The following BMP6 variants were observed in gnomAD, a reference collection of about 807,000 sequenced individuals.
BMP6 encodes the protein VG-1-R.
BMP6 carries 17 observed loss-of-function variants against 54.1 expected under a neutral mutation model. The ratio of observed to expected loss-of-function variants is 0.31; its 90% CI spans 0.22 to 0.47. The LOEUF is 0.47. BMP6 is among the 20% of genes least tolerant of loss of function. The probability of loss-of-function intolerance (pLI) is 1.00; values close to 1 mark genes in which losing one functional copy is unlikely to be tolerated. For synonymous variants in BMP6, 328 were observed against 291.2 expected (o/e 1.13, Z -1.28); for missense variants, 720 against 690.4 (o/e 1.04, Z -0.48).
At chr6:7,776,065 A>C (rs769076737) in intron 1 of BMP6, among the ~76,000 whole-genome samples, 2 of 152,218 alleles carry the variant, frequency 1.3e-5, no homozygotes, top group Admixed American at 1.3e-4. Context: ...AAAACAACTA[A>C]AACACTAGAT....
At chr6:7,789,449 T>A (rs1433051959) in intron 1 of BMP6, among the ~76,000 whole-genome samples, 2 of 152,180 alleles carry the variant, frequency 1.3e-5, no homozygotes, top group Non-Finnish European at 2.9e-5. Context: ...AAAATAAAAT[T>A]GTATTTTATC....
intron 4 of BMP6, among the ~76,000 whole-genome samples, chr6:7,868,485 G>T (rs1042375584): frequency 1.3e-5 from 2 of 152,208 alleles, no homozygotes; most frequent in African/African-American, 4.8e-5. Context: ...GCTTGTTTTG[G>T]ATAAGATGGG....
chr6:7,738,690 A>AT (rs942150857), intron 1 of BMP6, among the ~76,000 whole-genome samples: 3 of 152,194 alleles, frequency 2.0e-5, no homozygotes, highest in Non-Finnish European at 4.4e-5. Context: ...TTCTTTTTAA[A>AT]TTTTTTGGTA....
intron 1 of BMP6, among the ~76,000 whole-genome samples, chr6:7,775,036 C>T (rs1366463918): frequency 1.3e-5 from 2 of 152,164 alleles, no homozygotes; most frequent in Non-Finnish European, 2.9e-5. Flanking sequence ...CCTGAGTTCA[C>T]TGACCTACTC....
intron 4 of BMP6, among the ~76,000 whole-genome samples, chr6:7,874,175 C>T (rs952716248): frequency 6.6e-6 from 1 of 152,168 alleles, no homozygotes; most frequent in African/African-American, 2.4e-5. Flanking sequence ...CCAGGCCTGG[C>T]AGCACCACAC....
At chr6:7,798,790 A>G (rs1758228624) in intron 1 of BMP6, among the ~76,000 whole-genome samples, 1 of 152,166 alleles carries the variant, frequency 6.6e-6, no homozygotes, top group African/African-American at 2.4e-5. Context: ...TTATAAAGTA[A>G]TTCCCTTAGA....
At chr6:7,828,348 G>A (rs748734619) in intron 1 of BMP6, among the ~76,000 whole-genome samples, 2 of 152,208 alleles carry the variant, frequency 1.3e-5, no homozygotes, top group Admixed American at 1.3e-4. Flanking sequence ...GAAAGGAATG[G>A]CCCTGTTCTG....
intron 4 of BMP6, among the ~76,000 whole-genome samples, chr6:7,870,565 G>A (rs1201408367): frequency 6.6e-6 from 1 of 152,152 alleles, no homozygotes; most frequent in African/African-American, 2.4e-5. Context: ...ATCATGGAGA[G>A]TCTTGCTGAA....
intron 1 of BMP6, among the ~76,000 whole-genome samples, chr6:7,747,155 G>C (rs924324719): frequency 2.6e-5 from 4 of 152,242 alleles, no homozygotes; most frequent in African/African-American, 9.6e-5. Flanking sequence ...AGATGATTTA[G>C]AGAAGTTTAG....
intron 1 of BMP6, among the ~76,000 whole-genome samples, chr6:7,741,257 A>G (rs554137883): frequency 6.6e-6 from 1 of 152,292 alleles, no homozygotes; most frequent in Non-Finnish European, 1.5e-5. Context: ...GACTTGTCCT[A>G]TGCAGAGAGG....
intron 1 of BMP6, among the ~76,000 whole-genome samples, chr6:7,765,245 C>T (rs1212103550): frequency 6.6e-6 from 1 of 152,088 alleles, no homozygotes; most frequent in Non-Finnish European, 1.5e-5. Flanking sequence ...TGGATTTATT[C>T]CCCCAAAAGT....
At position 7,870,942 on chromosome 6, in the gene BMP6, T is replaced by C. The variant is rs189497131; in HGVS notation, c.1205-8132T>C. 2.2e-3 allele frequency among the ~76,000 whole-genome samples: 337 copies of C among 152,348 alleles called. 1 individual carries two copies. The highest frequency in any genetic ancestry group is 3.5e-3 in the Non-Finnish European group (241 of 68,030). On this transcript the variant is annotated intron_variant, in intron 4 of 6. Coordinates refer to ENST00000283147, the MANE Select transcript of BMP6 (RefSeq NM_001718.6). ...CCGCGCCCGGCCTGTCTTGGATCTT[T>C]AGAGTTCATCTCCATCCCCGAAGGG...
intron 1 of BMP6, among the ~76,000 whole-genome samples, chr6:7,811,990 T>C (rs1758442679): frequency 6.6e-6 from 1 of 152,220 alleles, no homozygotes; most frequent in Non-Finnish European, 1.5e-5. Flanking sequence ...TGCTCATAGC[T>C]TTGTATCAAC....
chr6:7,861,571 G>T lies in BMP6; in HGVS notation c.978G>T (p.Gly326=), dbSNP rs1351690618. 8 of 1,614,152 alleles carry T rather than the reference G, an allele frequency of 5.0e-6. No individual in the cohort carries two copies. Among genetic ancestry groups the T allele is most frequent in the Non-Finnish European group, 6.8e-6 (8 of 1,180,018 alleles). ...LWVVTPQHNM[G]LQLSVVTRDG... is the part of the protein sequence containing the mutation. ...TTGTGACTCCACAGCATAACATGGG[G>T]CTTCAGCTGAGCGTGGTGACAAGGG... The change falls in exon 3 of 7, where the codon GGG becomes GGT. Residue 326 remains glycine, a synonymous_variant. Transcript: ENST00000283147.
At chr6:7,825,771 C>T (rs1251106771) in intron 1 of BMP6, among the ~76,000 whole-genome samples, 1 of 151,250 alleles carries the variant, frequency 6.6e-6, no homozygotes, top group African/African-American at 2.4e-5. Context: ...TTTTCAGAGA[C>T]ATAGTGTTTC....
At chr6:7,845,408 C>A in intron 2 of BMP6, 76 bp downstream of exon 2, 3 of 1,407,430 alleles carry the variant, frequency 2.1e-6, no homozygotes, top group Non-Finnish European at 2.9e-6. Flanking sequence ...ATAACCCCAG[C>A]TATGTCTGTG....
intron 1 of BMP6, among the ~76,000 whole-genome samples, chr6:7,739,749 A>C (rs1762014503): frequency 6.6e-6 from 1 of 152,028 alleles, no homozygotes; most frequent in Non-Finnish European, 1.5e-5. Flanking sequence ...TTGTGGTCTG[A>C]CTTCCATCCC....
intron 1 of BMP6, among the ~76,000 whole-genome samples, chr6:7,787,044 G>T (rs1399280414): frequency 6.6e-6 from 1 of 152,172 alleles, no homozygotes; most frequent in Non-Finnish European, 1.5e-5. Flanking sequence ...AGTGACGAGT[G>T]TAAGTTCAGC....
chr6:7,834,395 G>A (rs1758840866), intron 1 of BMP6, among the ~76,000 whole-genome samples: 1 of 151,838 alleles, frequency 6.6e-6, no homozygotes, highest in Non-Finnish European at 1.5e-5. Flanking sequence ...CAGGCACCAA[G>A]TTAGAAAATG....
Sources: gnomAD v4.1 joint callset for allele counts (sites outside exome capture counted in the v4.1 genomes callset) on GRCh38, gnomAD v4.1.1 for gene constraint, MANE v1.5 for transcripts, NCBI Gene and HGNC (gene_info 2026-07-23, HGNC 2026-07-21) for gene names.